STXBP5L: variants seen among roughly 807,000 people sequenced by gnomAD.
STXBP5L encodes syntaxin-binding protein 5-like.
In STXBP5L, 65 loss-of-function variants were observed where a neutral mutation model predicts 144.5. The observed-to-expected ratio is 0.45, with a 90% CI of 0.37 to 0.55. The LOEUF (loss-of-function observed/expected upper bound fraction) is 0.55, where lower values mean the gene tolerates loss of function less well. Ranked by LOEUF, STXBP5L falls within the 20% of genes least tolerant of loss-of-function variation. The pLI is 0.00. For missense variants in STXBP5L, 1,298 were observed against 1,405.5 expected (o/e 0.92, Z 1.22); for synonymous variants, 505 against 469.6 (o/e 1.08, Z -0.97).
intron 4 of STXBP5L, among the ~76,000 whole-genome samples, chr3:121,044,994 A>G (rs1947412129): frequency 6.6e-6 from 1 of 152,196 alleles, no homozygotes; most frequent in African/African-American, 2.4e-5. Context: ...TTCCAAATAT[A>G]CAGAAAATTC....
chr3:121,018,302 A>T (rs1301080453), intron 3 of STXBP5L, among the ~76,000 whole-genome samples: 1 of 152,174 alleles, frequency 6.6e-6, no homozygotes, highest in Non-Finnish European at 1.5e-5. Context: ...GGAGACTGTC[A>T]TTACTGGACT....
intron 20 of STXBP5L, among the ~76,000 whole-genome samples, chr3:121,364,324 A>G (rs1358465017): frequency 1.3e-5 from 2 of 152,166 alleles, no homozygotes; most frequent in East Asian, 3.8e-4. Flanking sequence ...GTCACTCCTT[A>G]TAACAGTACC....
Position 121,205,908 on chromosome 3 carries a change from A to ATTTT in STXBP5L, c.878-10_878-7dup. The ATTTT allele has an allele frequency of 7.6e-7, 1 of 1,311,806 alleles. No individual in the cohort carries two copies. The highest frequency in any genetic ancestry group is 1.0e-6 in the Non-Finnish European group (1 of 962,450). 81.3% of individuals were successfully genotyped at this position (1,311,806 alleles called of 1,614,324 possible). ...TAATTTAAATTAGATTCAATTAAATATTTTTTTTCTTTAGGAAAAAGTCAA... is the reference window on the plus strand; with the variant it reads ...TAATTTAAATTAGATTCAATTAAATATTTTTTTTTTTTCTTTAGGAAAAAGTCAA... On this transcript the variant is annotated splice_polypyrimidine_tract_variant and intron_variant, in intron 9 of 26. Transcript: ENST00000471454.
chr3:121,058,733 T>C (rs529640439), intron 5 of STXBP5L, among the ~76,000 whole-genome samples: 9 of 152,260 alleles, frequency 5.9e-5, no homozygotes, highest in African/African-American at 2.2e-4. Context: ...CCAGTGATGA[T>C]GAGCTGTTTT....
At chr3:121,052,875 G>A (rs958099058) in intron 5 of STXBP5L, among the ~76,000 whole-genome samples, 1 of 152,148 alleles carries the variant, frequency 6.6e-6, no homozygotes. Flanking sequence ...ATCTCCTTAA[G>A]CTGATAAGCA....
At chr3:121,275,919 C>A (rs1324964219) in intron 18 of STXBP5L, among the ~76,000 whole-genome samples, 1 of 152,018 alleles carries the variant, frequency 6.6e-6, no homozygotes, top group Non-Finnish European at 1.5e-5. Flanking sequence ...TTGTTGTAGG[C>A]ACCATATAGT....
At chr3:121,157,095 A>G (rs1390356462) in intron 8 of STXBP5L, among the ~76,000 whole-genome samples, 2 of 152,144 alleles carry the variant, frequency 1.3e-5, no homozygotes, top group Non-Finnish European at 2.9e-5. Context: ...ATACAGTGCA[A>G]TGATTGAGAA....
intron 20 of STXBP5L, among the ~76,000 whole-genome samples, chr3:121,340,237 A>G (rs2044658849): frequency 6.6e-6 from 1 of 152,192 alleles, no homozygotes. Flanking sequence ...CAGAGGATCC[A>G]GAAATACAGC....
intron 21 of STXBP5L, among the ~76,000 whole-genome samples, chr3:121,380,071 C>A (rs562458860): frequency 6.6e-6 from 1 of 152,152 alleles, no homozygotes; most frequent in South Asian, 2.1e-4. Context: ...TGGCCTCAAG[C>A]ACTGGGGTTA....
At chr3:121,339,111 C>CA (rs774057837) in intron 20 of STXBP5L, among the ~76,000 whole-genome samples, 13 of 151,962 alleles carry the variant, frequency 8.6e-5, no homozygotes, top group Non-Finnish European at 1.6e-4. Flanking sequence ...AAACAAAAAA[C>CA]AAAAAAACAC....
intron 9 of STXBP5L, among the ~76,000 whole-genome samples, chr3:121,164,484 T>C (rs1422592208): frequency 1.3e-5 from 2 of 151,874 alleles, no homozygotes; most frequent in African/African-American, 2.4e-5. Flanking sequence ...GGTATGGAGG[T>C]TCCTAAATAA....
At chr3:121,365,210 A>G (rs1374379053) in intron 20 of STXBP5L, among the ~76,000 whole-genome samples, 1 of 151,900 alleles carries the variant, frequency 6.6e-6, no homozygotes, top group Non-Finnish European at 1.5e-5. Flanking sequence ...GAATATTAAT[A>G]TAGTCAATAT....
At chr3:121,037,782 G>A (rs1374717401) in intron 3 of STXBP5L, among the ~76,000 whole-genome samples, 1 of 151,766 alleles carries the variant, frequency 6.6e-6, no homozygotes, top group Non-Finnish European at 1.5e-5. Context: ...TATAAGTAAT[G>A]GTATCTTGAC....
intron 3 of STXBP5L, among the ~76,000 whole-genome samples, chr3:121,039,955 G>A (rs1409152786): frequency 6.7e-6 from 1 of 148,612 alleles, no homozygotes; most frequent in African/African-American, 2.5e-5. Context: ...GAGATAGATA[G>A]GTAGATAGAT....
At chr3:121,009,542 A>T (rs1332921537) in intron 3 of STXBP5L, among the ~76,000 whole-genome samples, 1 of 151,848 alleles carries the variant, frequency 6.6e-6, no homozygotes, top group Non-Finnish European at 1.5e-5. Flanking sequence ...TTACTGTACC[A>T]CCTTATGGAG....
intron 7 of STXBP5L, among the ~76,000 whole-genome samples, chr3:121,140,509 A>C (rs1451983979): frequency 6.6e-6 from 1 of 152,166 alleles, no homozygotes; most frequent in Non-Finnish European, 1.5e-5. Context: ...TTGGATAAAT[A>C]GATAAAGAAA....
At chr3:121,303,257 G>C (rs909969099) in intron 19 of STXBP5L, among the ~76,000 whole-genome samples, 1 of 152,118 alleles carries the variant, frequency 6.6e-6, no homozygotes, top group African/African-American at 2.4e-5. Flanking sequence ...CATTTACACA[G>C]CCAAAAGACA....
intron 19 of STXBP5L, among the ~76,000 whole-genome samples, chr3:121,285,700 A>G (rs552790555): frequency 6.6e-6 from 1 of 152,222 alleles, no homozygotes; most frequent in East Asian, 1.9e-4. Context: ...GAAGATTTAC[A>G]TTGTTTTACC....
At chr3:120,967,196 A>G (rs913222466) in intron 3 of STXBP5L, among the ~76,000 whole-genome samples, 1 of 152,026 alleles carries the variant, frequency 6.6e-6, no homozygotes, top group Admixed American at 6.6e-5. Flanking sequence ...TTTTCCATGT[A>G]GTCTGTCACC....
Sources: allele counts gnomAD v4.1 joint callset (sites outside exome capture counted in the v4.1 genomes callset), GRCh38; gene constraint gnomAD v4.1.1; transcripts MANE v1.5; gene names NCBI Gene and HGNC (gene_info 2026-07-23, HGNC 2026-07-21).